CPNE8: variants seen among roughly 807,000 people sequenced by gnomAD.
CPNE8 encodes copine-8.
A neutral mutation model predicts 81.5 loss-of-function variants in CPNE8; 45 were observed. The ratio of observed to expected loss-of-function variants is 0.55; its 90% CI spans 0.44 to 0.71. CPNE8 has a LOEUF of 0.71. CPNE8 is among the 30% of genes least tolerant of loss of function. The pLI is 0.00. For synonymous variants in CPNE8, 252 were observed against 226.3 expected (o/e 1.11, Z -1.02); for missense variants, 594 against 672.1 (o/e 0.88, Z 1.28).
At chr12:38,839,088 C>T (rs893644598) in intron 5 of CPNE8, among the ~76,000 whole-genome samples, 2 of 152,180 alleles carry the variant, frequency 1.3e-5, no homozygotes, top group Admixed American at 6.5e-5. Context: ...AATTCTACAT[C>T]TGTGTACCCA....
At chr12:38,754,848 A>G (rs1015296298) in intron 10 of CPNE8, among the ~76,000 whole-genome samples, 1 of 152,196 alleles carries the variant, frequency 6.6e-6, no homozygotes, top group African/African-American at 2.4e-5. Context: ...CAAGAAAAAG[A>G]GACTGAAACT....
intron 3 of CPNE8, among the ~76,000 whole-genome samples, chr12:38,862,144 T>G (rs533032138): frequency 6.6e-6 from 1 of 152,154 alleles, no homozygotes; most frequent in African/African-American, 2.4e-5. Flanking sequence ...TGCCAAATTG[T>G]AGAAATGCAA....
intron 1 of CPNE8, among the ~76,000 whole-genome samples, chr12:38,893,975 C>T (rs757543606): frequency 3.3e-5 from 5 of 152,112 alleles, no homozygotes; most frequent in Non-Finnish European, 7.4e-5. Flanking sequence ...TGGGCTTTGA[C>T]AATCACATTA....
At chr12:38,792,554 C>T (rs779115256) in intron 6 of CPNE8, among the ~76,000 whole-genome samples, 2 of 151,458 alleles carry the variant, frequency 1.3e-5, no homozygotes, top group Non-Finnish European at 3.0e-5. Flanking sequence ...CTAAATAGAC[C>T]AATAACTAGC....
chr12:38,824,050 C>T (rs1337530191), intron 6 of CPNE8, among the ~76,000 whole-genome samples: 1 of 152,168 alleles, frequency 6.6e-6, no homozygotes, highest in Non-Finnish European at 1.5e-5. Flanking sequence ...GGATGGAATT[C>T]AGATGAGAAA....
chr12:38,827,799 G>A (rs780702731), intron 6 of CPNE8, among the ~76,000 whole-genome samples: 1 of 152,100 alleles, frequency 6.6e-6, no homozygotes, highest in Non-Finnish European at 1.5e-5. Flanking sequence ...GAAGGAAACA[G>A]CAGACACTGG....
chr12:38,790,526 C>A (rs1436338621), intron 6 of CPNE8, among the ~76,000 whole-genome samples: 1 of 151,524 alleles, frequency 6.6e-6, no homozygotes, highest in African/African-American at 2.4e-5. Flanking sequence ...GAAATGAGAC[C>A]TAGTATTTGA....
chr12:38,776,208 A>C, intron 7 of CPNE8, 30 bp downstream of exon 7: 1 of 1,275,188 alleles, frequency 7.8e-7, no homozygotes, highest in Non-Finnish European at 1.1e-6. Flanking sequence ...GTATGGAAGT[A>C]TTTTCTAAAC....
intron 18 of CPNE8, among the ~76,000 whole-genome samples, chr12:38,673,448 A>C (rs1433214785): frequency 6.6e-6 from 1 of 152,182 alleles, no homozygotes; most frequent in Non-Finnish European, 1.5e-5. Flanking sequence ...TTGACTAGTC[A>C]GAGATTTTTC....
chr12:38,679,520 T>C, intron 16 of CPNE8: 2 of 874,688 alleles, frequency 2.3e-6, no homozygotes, highest in Non-Finnish European at 2.7e-6. Flanking sequence ...GAAAGTTGCA[T>C]GAGTTTATTG....
Position 38,885,688 on chromosome 12 carries a change from T to C in CPNE8, c.99-11177A>G, listed in dbSNP as rs557958735. Reference sequence around the variant, plus strand: ...TCTCTAAACTACATGGTGGGAAACATAGATGCTGATATTGTTTGGCTCTAT... The same window carrying C: ...TCTCTAAACTACATGGTGGGAAACACAGATGCTGATATTGTTTGGCTCTAT... On this transcript the variant is annotated intron_variant, in intron 1 of 19. Coordinates refer to ENST00000331366, the MANE Select transcript of CPNE8 (RefSeq NM_153634.3). 4.1e-4 allele frequency among the ~76,000 whole-genome samples: 63 copies of C among 152,204 alleles called. 1 individual carries two copies. Among genetic ancestry groups the C allele is most frequent in the African/African-American group, 1.4e-3 (60 of 41,528 alleles).
At chr12:38,752,761 G>T (rs1229320306) in intron 10 of CPNE8, among the ~76,000 whole-genome samples, 1 of 152,164 alleles carries the variant, frequency 6.6e-6, no homozygotes, top group African/African-American at 2.4e-5. Context: ...ACCAGAATTA[G>T]AATTTAATTT....
intron 3 of CPNE8, among the ~76,000 whole-genome samples, chr12:38,866,826 G>C (rs77967072): frequency 0.018 from 2,800 of 152,064 alleles, 93 homozygotes; most frequent in African/African-American, 0.064. Flanking sequence ...GCTAAATTCG[G>C]GTGTCCCTAA....
Position 38,781,627 on chromosome 12 carries a change from A to G in CPNE8, c.408-5326T>C, listed in dbSNP as rs1022671770. Reference sequence around the variant, plus strand: ...GCATGCATCTACTATTATAGCTCCAAAATACATAAAGCAAAATTGACACAA... The same window carrying G: ...GCATGCATCTACTATTATAGCTCCAGAATACATAAAGCAAAATTGACACAA... On this transcript the variant is annotated intron_variant, in intron 6 of 19. Coordinates refer to ENST00000331366, the MANE Select transcript of CPNE8 (RefSeq NM_153634.3). Among the ~76,000 whole-genome samples, 3 of 152,214 alleles carry G rather than the reference A, an allele frequency of 2.0e-5. No individual in the cohort carries two copies. In the South Asian group the frequency reaches 6.2e-4, roughly 32 times the overall value.
At position 38,723,786 on chromosome 12, in the gene CPNE8, G is replaced by A. The variant is rs763710135; in HGVS notation, c.900C>T (p.Asp300=). The A allele has an allele frequency of 2.5e-6, 4 of 1,584,230 alleles. No homozygotes were observed. The highest frequency in any genetic ancestry group is 1.1e-5 in the South Asian group (1 of 89,688). ...GAATTACTTACCCTCCCTTAATGTAGTCAAGGAATGAAACTTCTGTTTCTA... is the reference window on the plus strand; with the variant it reads ...GAATTACTTACCCTCCCTTAATGTAATCAAGGAATGAAACTTCTGTTTCTA... ...FLVETEVSFL[D]YIKGGTQINF... The change falls in exon 13 of 20, where the codon GAC becomes GAT. Residue 300 remains aspartate, a synonymous_variant. Coordinates refer to ENST00000331366, the MANE Select transcript of CPNE8 (RefSeq NM_153634.3).
chr12:38,690,315 T>C (rs1939645005), intron 15 of CPNE8, among the ~76,000 whole-genome samples: 1 of 152,188 alleles, frequency 6.6e-6, no homozygotes. Flanking sequence ...TAACACAGAA[T>C]ACTTCAGCAA....
rs1175964663 is a variant in CPNE8, at chr12:38,875,200, A to G, written c.99-689T>C. On this transcript the variant is annotated intron_variant, in intron 1 of 19. Transcript: ENST00000331366. ...ATTCCTCTGATACTAGTGTATTGCT[A>G]CCCTCAGTGGTAGTAATGCAGTCCT... 3.3e-5 allele frequency among the ~76,000 whole-genome samples: 5 copies of G among 152,166 alleles called. No homozygotes were observed. The East Asian group carries it at 9.6e-4, about 29-fold the overall frequency.
At chr12:38,754,129 T>G (rs1253988421) in intron 10 of CPNE8, among the ~76,000 whole-genome samples, 1 of 152,190 alleles carries the variant, frequency 6.6e-6, no homozygotes, top group Non-Finnish European at 1.5e-5. Context: ...ATGACAGCAC[T>G]GAAATCGGAC....
At chr12:38,698,136 G>A (rs7132489) in intron 14 of CPNE8, among the ~76,000 whole-genome samples, 329 of 152,186 alleles carry the variant, frequency 2.2e-3, no homozygotes, top group Non-Finnish European at 4.1e-3. Context: ...TTATAGTTTC[G>A]ATTTGGATTT....
Sources: gnomAD v4.1 joint callset for allele counts (sites outside exome capture counted in the v4.1 genomes callset) on GRCh38, gnomAD v4.1.1 for gene constraint, MANE v1.5 for transcripts, NCBI Gene and HGNC (gene_info 2026-07-23, HGNC 2026-07-21) for gene names.